PI4KA: variants seen among roughly 807,000 people sequenced by gnomAD.
The protein encoded by PI4KA is PI4-kinase alpha.
PI4KA carries 122 observed loss-of-function variants against 271.4 expected under a neutral mutation model. The ratio of observed to expected loss-of-function variants is 0.45; its 90% confidence interval spans 0.39 to 0.52. The LOEUF (loss-of-function observed/expected upper bound fraction) is 0.52, where lower values mean the gene tolerates loss of function less well. PI4KA is among the 20% of genes least tolerant of loss of function. The pLI is 0.00. For missense variants in PI4KA, 1,969 were observed against 2,769.1 expected (o/e 0.71, Z 6.48); for synonymous variants, 1,041 against 1,078.8 (o/e 0.96, Z 0.69).
At chr22:20,743,483 T>C (rs942485505) in intron 30 of PI4KA, among the ~76,000 whole-genome samples, 2 of 151,454 alleles carry the variant, frequency 1.3e-5, no homozygotes, top group African/African-American at 4.9e-5. Context: ...TGAGACAGAG[T>C]CTTGCTCTGT....
chr22:20,735,830 G>A (rs1928646137), intron 32 of PI4KA, among the ~76,000 whole-genome samples: 1 of 152,226 alleles, frequency 6.6e-6, no homozygotes, highest in African/African-American at 2.4e-5. Flanking sequence ...GTTTCCTGCA[G>A]ACCGATTAGT....
chr22:20,741,471 C>T (rs980580686), intron 32 of PI4KA, among the ~76,000 whole-genome samples: 1 of 152,148 alleles, frequency 6.6e-6, no homozygotes, highest in South Asian at 2.1e-4. Flanking sequence ...GACAACCTCC[C>T]CCAGGCGCCC....
chr22:20,785,982 C>T, intron 19 of PI4KA: 6 of 1,614,080 alleles, frequency 3.7e-6, no homozygotes, highest in Non-Finnish European at 5.1e-6. Flanking sequence ...AAAACTGGGC[C>T]CCCCTTTCCT....
intron 43 of PI4KA, among the ~76,000 whole-genome samples, chr22:20,719,870 C>CA (rs1165401668): frequency 1.3e-5 from 2 of 151,672 alleles, no homozygotes; most frequent in African/African-American, 4.8e-5. Context: ...ACTGAAAATA[C>CA]AAAAAAATTA....
intron 9 of PI4KA, among the ~76,000 whole-genome samples, chr22:20,810,724 C>T (rs1426427226): frequency 2.6e-5 from 4 of 152,138 alleles, no homozygotes; most frequent in Non-Finnish European, 5.9e-5. Flanking sequence ...CACTAAAACT[C>T]TATCTTCTGT....
Position 20,747,569 on chromosome 22 carries a change from A to G in PI4KA, c.3363+14T>C. The G allele has an allele frequency of 1.2e-6, 2 of 1,613,236 alleles. No homozygotes were observed. The highest frequency in any genetic ancestry group is 1.7e-6 in the Non-Finnish European group (2 of 1,179,434). On this transcript the variant is annotated intron_variant, in intron 29 of 54. Coordinates refer to ENST00000255882, the MANE Select transcript of PI4KA (RefSeq NM_058004.4). ...GTCTAAGGGGTCACTGCTCTTCAGA[A>G]GGCTCGCACATACCCCAAGAGTTGT...
chr22:20,767,936 AATT>A (rs58742158), intron 19 of PI4KA, among the ~76,000 whole-genome samples: 8,988 of 141,418 alleles, frequency 0.064, 358 homozygotes, highest in African/African-American at 0.11. Flanking sequence ...CACCTGGCCT[AATT>A]ATTATTATTA....
At chr22:20,779,472 C>A (rs1427347142) in intron 19 of PI4KA, 1 of 1,614,182 alleles carries the variant, frequency 6.2e-7, no homozygotes, top group Non-Finnish European at 8.5e-7. Context: ...GAGCATGCCT[C>A]TTCTCCCTGC....
In PI4KA at chr22:20,729,681, TG is replaced by T; in HGVS notation, c.4438del (p.Gln1480SerfsTer7). On this transcript the variant is annotated frameshift_variant, in exon 38 of 55. Transcript: ENST00000255882. LOFTEE classifies it high-confidence loss of function. Reference protein sequence around the residue: ...GMSKKTNRGSQLHKYYMKRRT... With the variant: ...GMSKKTNRGSXLHKYYMKRRT... ...GCGCTTCATGTAGTATTTGTGCAGC[TG>T]GGAGCCCCGGTTGGTTTTCTTAGAC... is the stretch of plus-strand genomic sequence containing the variant. 1.3e-6 allele frequency: 2 copies of T among 1,590,076 alleles called. No homozygotes were observed. The highest frequency in any genetic ancestry group is 1.8e-5 in the Admixed American group (1 of 56,436).
rs1925183523 is a variant in PI4KA, at chr22:20,838,689, T to C, written c.199A>G (p.Ile67Val). The C allele has an allele frequency of 6.2e-7, 1 of 1,613,476 alleles. No individual in the cohort carries two copies. The highest frequency in any genetic ancestry group is 1.3e-5 in the African/African-American group (1 of 74,996). Residue 67 changes from isoleucine (I) to valine (V), a missense_variant, in exon 2 of 55, where the codon ATC becomes GTC. By Grantham distance (29) the Ile-to-Val change is conservative (BLOSUM62 3). This residue lies in a region of PI4KA where 540 missense variants were observed against 555.5 expected (regional missense o/e 0.97). Coordinates refer to ENST00000255882, the MANE Select transcript of PI4KA (RefSeq NM_058004.4). ...LCMCPVDFHG[I>V]FQLDERRRDA... ...CTCCGTCTTTCATCTAACTGGAAGA[T>C]CCCATGGAAATCCACTGGACACATG...
intron 45 of PI4KA, among the ~76,000 whole-genome samples, chr22:20,716,269 C>T (rs181989309): frequency 1.2e-4 from 18 of 152,326 alleles, no homozygotes; most frequent in African/African-American, 4.1e-4. Context: ...CCAGGATGGT[C>T]TTGATCTCCT....
intron 43 of PI4KA, 25 bp from the exon 44 acceptor site, chr22:20,718,847 A>C: frequency 6.2e-7 from 1 of 1,612,322 alleles, no homozygotes; most frequent in South Asian, 1.1e-5. Flanking sequence ...AAGAGGCTTA[A>C]GTCTCTGTGG....
rs889836412 is a variant in PI4KA at position 20,773,675 on chromosome 22, C to T, written c.2329-7982G>A. Among the ~76,000 whole-genome samples, 5 of 152,174 alleles carry T rather than the reference C, an allele frequency of 3.3e-5. No individual in the cohort carries two copies. The South Asian group carries it at 8.3e-4, about 25-fold the overall frequency. On this transcript the variant is annotated intron_variant, in intron 19 of 54. Transcript: ENST00000255882. ...GAGCTCTTGGAAGGACAGGGACACC[C>T]GCCTAGTAGCTGAGCCAGCCACATC...
chr22:20,842,814 C>CAA (rs764238069), intron 1 of PI4KA, among the ~76,000 whole-genome samples: 2 of 81,682 alleles, frequency 2.4e-5, no homozygotes, highest in East Asian at 4.7e-4. Context: ...GACTCTGTCT[C>CAA]AAAAAAAAAA....
At chr22:20,812,487 C>T (rs1009489626) in intron 8 of PI4KA, among the ~76,000 whole-genome samples, 4 of 152,144 alleles carry the variant, frequency 2.6e-5, no homozygotes, top group Non-Finnish European at 2.9e-5. Flanking sequence ...CATCATCACC[C>T]GTACCTATTC....
In PI4KA at chr22:20,744,647, C is replaced by T; in HGVS notation, c.3437G>A (p.Arg1146His). 4 of 1,614,038 alleles carry T rather than the reference C, an allele frequency of 2.5e-6. No individual in the cohort carries two copies. Among genetic ancestry groups the T allele is most frequent in the Non-Finnish European group, 3.4e-6 (4 of 1,179,906 alleles). Residue 1146 changes from arginine (R) to histidine (H), a missense_variant, in exon 30 of 55, where the codon CGC becomes CAC. By Grantham distance (29) the Arg-to-His change is conservative (BLOSUM62 0). Transcript: ENST00000255882. Reference protein sequence around the residue: ...YSNFMASLNLRNRYAGEVYGM... With the variant: ...YSNFMASLNLHNRYAGEVYGM... ...AAGCACCTCGCCCGCGTAGCGGTTG[C>T]GCAGATTCAGGGATGCCATGAAGTT...
At chr22:20,793,041 G>A (rs1934750029) in intron 19 of PI4KA, 152 bp downstream of exon 19, 2 of 615,132 alleles carry the variant, frequency 3.3e-6, no homozygotes, top group Admixed American at 5.2e-5. Flanking sequence ...GGCTGTCATG[G>A]AAAAGCTGGT....
intron 42 of PI4KA, chr22:20,725,505 T>C: frequency 2.2e-6 from 1 of 448,702 alleles, no homozygotes; most frequent in Non-Finnish European, 4.5e-6. Context: ...GGGTGGGTCC[T>C]AATCTAGTAT....
At chr22:20,722,697 G>A (rs1327219111) in intron 42 of PI4KA, among the ~76,000 whole-genome samples, 4 of 152,154 alleles carry the variant, frequency 2.6e-5, no homozygotes, top group Non-Finnish European at 5.9e-5. Context: ...GTTTAAAAAG[G>A]TGAGCTGGCC....
Sources: allele counts gnomAD v4.1 joint callset (sites outside exome capture counted in the v4.1 genomes callset), GRCh38; gene constraint gnomAD v4.1.1; regional missense constraint gnomAD v4.1.1; transcripts MANE v1.5; gene names NCBI Gene and HGNC (gene_info 2026-07-23, HGNC 2026-07-21).